Variants in PARP8 observed in about 807,000 individuals in gnomAD.
PARP8 encodes the protein protein mono-ADP-ribosyltransferase PARP8.
In PARP8, 51 loss-of-function variants were observed where a neutral mutation model predicts 124.1. The observed-to-expected ratio is 0.41, with a 90% CI of 0.33 to 0.52. The LOEUF (loss-of-function observed/expected upper bound fraction) is 0.52. PARP8 is among the 20% of genes least tolerant of loss of function. The pLI is 0.21. For synonymous variants in PARP8, 391 were observed against 361.5 expected (o/e 1.08, Z -0.93); for missense variants, 860 against 1,018.9 (o/e 0.84, Z 2.12).
At chr5:50,783,032 G>A (rs1393516923) in intron 9 of PARP8, among the ~76,000 whole-genome samples, 3 of 152,082 alleles carry the variant, frequency 2.0e-5, no homozygotes, top group African/African-American at 7.2e-5. Flanking sequence ...GTCAGGAGTT[G>A]CTCTGTAGGA....
At chr5:50,676,846 C>A (rs1750695117) in intron 2 of PARP8, among the ~76,000 whole-genome samples, 1 of 152,058 alleles carries the variant, frequency 6.6e-6, no homozygotes, top group Admixed American at 6.6e-5. Flanking sequence ...GGAAGCAAAC[C>A]CCTTTTTTAA....
intron 2 of PARP8, among the ~76,000 whole-genome samples, chr5:50,722,796 C>A (rs537089226): frequency 6.6e-6 from 1 of 152,028 alleles, no homozygotes; most frequent in African/African-American, 2.4e-5. Flanking sequence ...TCTCTCCTAA[C>A]CCTGTAATGT....
In PARP8 at chr5:50,760,299, A is replaced by G; in HGVS notation, c.282A>G (p.Arg94=). Residue 94 remains arginine, a synonymous_variant, in exon 5 of 26, where the codon AGA becomes AGG. Coordinates refer to ENST00000281631, the MANE Select transcript of PARP8 (RefSeq NM_024615.4). The part of the protein sequence containing the change: ...VIFHRIATEL[R]KTNDINCCLS... ...ATTACAACTTTCTTTCAGAATTAAG[A>G]AAAACAAATGACATTAACTGTTGCT... 6.6e-7 allele frequency: 1 copy of G among 1,514,648 alleles called. No individual in the cohort carries two copies. Among genetic ancestry groups the G allele is most frequent in the Non-Finnish European group, 9.0e-7 (1 of 1,115,364 alleles). The allele number at this position is 1,514,648 out of a possible 1,614,324, so 93.8% of individuals were successfully genotyped here.
At chr5:50,799,230 G>A (rs1346348660) in intron 14 of PARP8, among the ~76,000 whole-genome samples, 2 of 152,150 alleles carry the variant, frequency 1.3e-5, no homozygotes, top group Non-Finnish European at 2.9e-5. Context: ...TACTTTTTGA[G>A]TTAATTTTTG....
chr5:50,776,997 G>C (rs1185147436), intron 7 of PARP8, among the ~76,000 whole-genome samples: 2 of 152,064 alleles, frequency 1.3e-5, no homozygotes, highest in Non-Finnish European at 2.9e-5. Flanking sequence ...AATGAATGTC[G>C]TAATATTATC....
rs180715453 is a variant in PARP8 at position 50,739,351 on chromosome 5, G to C, written c.147-10800G>C. The stretch of plus-strand genomic sequence containing the variant: ...AGGAGGCCTTTGGATGTCCATTACA[G>C]ATTTATTCTGCTTTTACTCATTCGT... On this transcript the variant is annotated intron_variant, in intron 2 of 25. Coordinates refer to ENST00000281631, the MANE Select transcript of PARP8 (RefSeq NM_024615.4). Among the ~76,000 whole-genome samples the C allele has an allele frequency of 1.2e-3, 175 of 150,792 alleles. 1 individual carries two copies. Among genetic ancestry groups the C allele is most frequent in the African/African-American group, 3.9e-3 (158 of 40,906 alleles).
chr5:50,670,599 G>C (rs1479277367), intron 2 of PARP8, among the ~76,000 whole-genome samples: 1 of 152,244 alleles, frequency 6.6e-6, no homozygotes. Context: ...GGTCCTCAGA[G>C]TGGCAGTTAA....
intron 3 of PARP8, among the ~76,000 whole-genome samples, chr5:50,750,742 A>T (rs1759152459): frequency 6.6e-6 from 1 of 152,058 alleles, no homozygotes; most frequent in South Asian, 2.1e-4. Flanking sequence ...TAAATCACAA[A>T]CTTCCTTACA....
At chr5:50,706,006 G>C (rs1754109390) in intron 2 of PARP8, among the ~76,000 whole-genome samples, 1 of 152,138 alleles carries the variant, frequency 6.6e-6, no homozygotes, top group African/African-American at 2.4e-5. Flanking sequence ...TCTCTTGAGG[G>C]TAGGTTTTAA....
At chr5:50,791,274 A>G (rs573626586) in intron 10 of PARP8, among the ~76,000 whole-genome samples, 77 of 152,328 alleles carry the variant, frequency 5.1e-4, no homozygotes, top group African/African-American at 1.8e-3. Flanking sequence ...TGTTTAACAT[A>G]TAATAAGACA....
At chr5:50,711,556 C>T (rs1455099307) in intron 2 of PARP8, among the ~76,000 whole-genome samples, 2 of 152,026 alleles carry the variant, frequency 1.3e-5, no homozygotes, top group South Asian at 2.1e-4. Context: ...GGGAAGTTAG[C>T]CCAGATGTAG....
At chr5:50,763,064 A>G in intron 6 of PARP8, 84 bp from the exon 7 acceptor site, 5 of 982,590 alleles carry the variant, frequency 5.1e-6, no homozygotes, top group East Asian at 2.5e-5. Flanking sequence ...GGCAAAATGC[A>G]CAGGGAGACC....
rs1178651487 is a variant in PARP8 at position 50,798,613 on chromosome 5, A to G, written c.1575+1380A>G. On this transcript the variant is annotated intron_variant, in intron 14 of 25. Coordinates refer to ENST00000281631, the MANE Select transcript of PARP8 (RefSeq NM_024615.4). ...TTTTTTGTATTTTTTTAGTAGAGAC[A>G]GGGTTTCACTGTGTTGGCCAGGATG... 5.3e-5 allele frequency among the ~76,000 whole-genome samples: 8 copies of G among 151,870 alleles called. No individual in the cohort carries two copies. In the East Asian group the frequency reaches 1.6e-3, roughly 30 times the overall value.
chr5:50,825,963 GT>G lies in PARP8; in HGVS notation c.1929-790del, dbSNP rs1746302363. On this transcript the variant is annotated intron_variant, in intron 18 of 25. Coordinates refer to ENST00000281631, the MANE Select transcript of PARP8 (RefSeq NM_024615.4). ...ATAGAAGCCTTCCTTCTTTGTATCTGTTATGATCTGTTACTAAATTCTGAAA... is the reference window on the plus strand; with the variant it reads ...ATAGAAGCCTTCCTTCTTTGTATCTGTATGATCTGTTACTAAATTCTGAAA... Among the ~76,000 whole-genome samples, 4 of 152,042 alleles carry G rather than the reference GT, an allele frequency of 2.6e-5. No individual in the cohort carries two copies. The South Asian group carries it at 8.3e-4, about 31-fold the overall frequency.
intron 10 of PARP8, among the ~76,000 whole-genome samples, chr5:50,792,681 TA>T (rs542503019): frequency 7.9e-5 from 12 of 151,558 alleles, no homozygotes; most frequent in African/African-American, 1.5e-4. Context: ...AAATTTTGGG[TA>T]AAAAAAAATT....
intron 25 of PARP8, among the ~76,000 whole-genome samples, chr5:50,839,822 T>C (rs141663347): frequency 2.5e-4 from 38 of 152,050 alleles, no homozygotes; most frequent in African/African-American, 8.4e-4. Flanking sequence ...CTTCTAATGC[T>C]TTTTAAGTGT....
chr5:50,714,434 C>A (rs536218239), intron 2 of PARP8, among the ~76,000 whole-genome samples: 1 of 151,934 alleles, frequency 6.6e-6, no homozygotes, highest in East Asian at 1.9e-4. Context: ...ACTTTAAGTT[C>A]TGGGATACAT....
chr5:50,667,419 C>G, intron 1 of PARP8: 1 of 702,318 alleles, frequency 1.4e-6, no homozygotes, highest in Admixed American at 2.0e-5. Context: ...AGGGCAGAGC[C>G]CGCGTGGCCG....
At chr5:50,826,681 G>A (rs115103292) in intron 18 of PARP8, 74 bp from the exon 19 acceptor site, 200 of 1,486,688 alleles carry the variant, frequency 1.3e-4, no homozygotes, top group Non-Finnish European at 1.7e-4. Context: ...AGTTTTAATC[G>A]GTTGCCAACT....
Sources: gnomAD v4.1 joint callset for allele counts (sites outside exome capture counted in the v4.1 genomes callset) on GRCh38, gnomAD v4.1.1 for gene constraint, MANE v1.5 for transcripts, NCBI Gene and HGNC (gene_info 2026-07-23, HGNC 2026-07-21) for gene names.